The following TUSC3 variants were observed in gnomAD, a reference collection of about 807,000 sequenced individuals.
TUSC3 encodes the protein dolichyl-diphosphooligosaccharide--protein glycosyltransferase subunit TUSC3.
In TUSC3, 45 loss-of-function variants were observed where a neutral mutation model predicts 44.8. The observed-to-expected ratio is 1.00, with a 90% CI of 0.79 to 1.29. TUSC3 has a LOEUF of 1.29. Ranked by LOEUF, TUSC3 falls within the 50% of genes most tolerant of loss-of-function variation. The probability of loss-of-function intolerance (pLI) is 0.00; values close to 1 mark genes in which losing one functional copy is unlikely to be tolerated. For synonymous variants in TUSC3, 212 were observed against 152.9 expected (o/e 1.39, Z -2.85); for missense variants, 519 against 437.9 (o/e 1.19, Z -1.65).
At chr8:15,820,672 T>C in the TUSC3 span, among the ~76,000 whole-genome samples, 4 of 152,284 alleles carry the variant, frequency 2.6e-5, no homozygotes, top group East Asian at 7.7e-4. Context: ...GGCATTATGC[T>C]GGCCTTTCAA....
At chr8:15,683,545 G>A (rs1187852627) in intron 6 of TUSC3, among the ~76,000 whole-genome samples, 1 of 151,992 alleles carries the variant, frequency 6.6e-6, no homozygotes, top group African/African-American at 2.4e-5. Flanking sequence ...ATTTTGGATT[G>A]CTTTTCTGAC....
At chr8:15,681,778 TGTC>T (rs1808439478) in intron 6 of TUSC3, among the ~76,000 whole-genome samples, 1 of 151,936 alleles carries the variant, frequency 6.6e-6, no homozygotes, top group South Asian at 2.1e-4. Context: ...TTGAGATTTT[TGTC>T]TTCTTGATCT....
chr8:15,716,837 A>AT (rs890696895), intron 6 of TUSC3, among the ~76,000 whole-genome samples: 1 of 152,082 alleles, frequency 6.6e-6, no homozygotes, highest in Non-Finnish European at 1.5e-5. Context: ...TATTTATACG[A>AT]TTTTTTTGAG....
chr8:15,718,022 A>G (rs1389657319), intron 6 of TUSC3, among the ~76,000 whole-genome samples: 1 of 152,142 alleles, frequency 6.6e-6, no homozygotes, highest in African/African-American at 2.4e-5. Flanking sequence ...ATGAAACAGA[A>G]TATCTAAGTA....
chr8:15,679,636 G>GC (rs1808331849), intron 6 of TUSC3, among the ~76,000 whole-genome samples: 1 of 152,108 alleles, frequency 6.6e-6, no homozygotes, highest in African/African-American at 2.4e-5. Flanking sequence ...ATTTGCAGTT[G>GC]CTTTTGAAGA....
chr8:15,758,231 T>C, intron 10 of TUSC3: 1 of 1,006,286 alleles, frequency 9.9e-7, no homozygotes, highest in East Asian at 9.3e-5. Context: ...TAACAAATAA[T>C]GTAAGCCTTA....
intron 6 of TUSC3, among the ~76,000 whole-genome samples, chr8:15,703,227 T>G (rs1809479533): frequency 6.6e-6 from 1 of 152,154 alleles, no homozygotes; most frequent in African/African-American, 2.4e-5. Context: ...AGTATAGGTA[T>G]AAACTTTAAA....
chr8:15,608,654 C>T (rs1804635035), intron 1 of TUSC3, among the ~76,000 whole-genome samples: 1 of 152,068 alleles, frequency 6.6e-6, no homozygotes, highest in African/African-American at 2.4e-5. Flanking sequence ...GTGCGTGAGT[C>T]TCGTGAGATC....
the TUSC3 span, among the ~76,000 whole-genome samples, chr8:15,798,190 A>G: frequency 6.6e-6 from 1 of 152,228 alleles, no homozygotes; most frequent in East Asian, 1.9e-4. Context: ...TCTACCGTAC[A>G]TTCATATGTG....
At chr8:15,692,295 G>A (rs1184879172) in intron 6 of TUSC3, among the ~76,000 whole-genome samples, 2 of 127,428 alleles carry the variant, frequency 1.6e-5, no homozygotes, top group Admixed American at 8.6e-5. Context: ...TTGTTTTGTT[G>A]TTTCTCTGTT....
chr8:15,529,729 C>A (rs146059223), intron 2 of TUSC3, among the ~76,000 whole-genome samples: 1 of 149,888 alleles, frequency 6.7e-6, no homozygotes, highest in Non-Finnish European at 1.5e-5. Flanking sequence ...AGGGATTTTC[C>A]TCTTATAATG....
At chr8:15,685,452 G>A (rs1250883331) in intron 6 of TUSC3, among the ~76,000 whole-genome samples, 1 of 151,978 alleles carries the variant, frequency 6.6e-6, no homozygotes, top group Admixed American at 6.6e-5. Flanking sequence ...CCTCTTGGTG[G>A]ACAGTTCCCG....
intron 2 of TUSC3, among the ~76,000 whole-genome samples, chr8:15,636,618 G>A (rs965494639): frequency 6.6e-6 from 1 of 152,222 alleles, no homozygotes; most frequent in Non-Finnish European, 1.5e-5. Context: ...GTAGTTGGAA[G>A]CAGTCATTAG....
At chr8:15,469,405 G>T (rs1190330690) in intron 1 of TUSC3, among the ~76,000 whole-genome samples, 2 of 152,132 alleles carry the variant, frequency 1.3e-5, no homozygotes, top group Non-Finnish European at 2.9e-5. Flanking sequence ...ATGAAAATAG[G>T]TTCTATATCA....
intron 2 of TUSC3, among the ~76,000 whole-genome samples, chr8:15,494,356 C>G (rs1800850894): frequency 7.0e-6 from 1 of 142,030 alleles, no homozygotes; most frequent in African/African-American, 2.5e-5. Context: ...CTCGCTCTGT[C>G]GCCCAGGCTG....
intron 6 of TUSC3, among the ~76,000 whole-genome samples, chr8:15,711,091 C>G (rs1393547894): frequency 6.6e-6 from 1 of 151,626 alleles, no homozygotes; most frequent in East Asian, 1.9e-4. Flanking sequence ...ACAGTAGTCC[C>G]CAAACTACTA....
chr8:15,496,503 C>T (rs1410030565), intron 2 of TUSC3, among the ~76,000 whole-genome samples: 1 of 152,198 alleles, frequency 6.6e-6, no homozygotes, highest in African/African-American at 2.4e-5. Context: ...AGTTCAACCC[C>T]TTGTATGCTG....
chr8:15,775,531 C>G, the TUSC3 span, among the ~76,000 whole-genome samples: 1 of 151,792 alleles, frequency 6.6e-6, no homozygotes, highest in Admixed American at 6.6e-5. Flanking sequence ...CCTACTAATG[C>G]TATTCAAGAA....
At chr8:15,488,638 G>A (rs562289943) in intron 2 of TUSC3, among the ~76,000 whole-genome samples, 3 of 152,084 alleles carry the variant, frequency 2.0e-5, no homozygotes, top group African/African-American at 2.4e-5. Flanking sequence ...TTTAGATGAC[G>A]TCATGAGGGT....
Sources: gnomAD v4.1 joint callset for allele counts (sites outside exome capture counted in the v4.1 genomes callset) on GRCh38, gnomAD v4.1.1 for gene constraint, MANE v1.5 for transcripts, NCBI Gene and HGNC (gene_info 2026-07-23, HGNC 2026-07-21) for gene names.